The following LRRC53 variants were observed in gnomAD, a reference collection of about 807,000 sequenced individuals.
LRRC53 encodes leucine rich repeat containing 53.
In LRRC53, 25 loss-of-function variants were observed where a neutral mutation model predicts 13.6. The ratio of observed to expected loss-of-function variants is 1.83; its 90% CI spans 1.34 to 2.56. The LOEUF (loss-of-function observed/expected upper bound fraction) is 2.56. Among genes scored for constraint, LRRC53 ranks in the 30% most tolerant of loss-of-function variants. LRRC53 has a pLI of 0.00. For missense variants in LRRC53, 527 were observed against 275.8 expected (o/e 1.91, Z -6.45); for synonymous variants, 204 against 109.8 (o/e 1.86, Z -5.37).
chr1:74,474,154 C>T (rs759832540), intron 4 of LRRC53, among the ~76,000 whole-genome samples: 6 of 152,058 alleles, frequency 3.9e-5, no homozygotes, highest in Non-Finnish European at 8.8e-5. Flanking sequence ...GAGCACATCC[C>T]CTTCAGTTAT....
chr1:74,517,647 G>A, the LRRC53 span, among the ~76,000 whole-genome samples: 1 of 152,118 alleles, frequency 6.6e-6, no homozygotes, highest in Non-Finnish European at 1.5e-5. Flanking sequence ...ACCTCAATTA[G>A]GTTCTATTTC....
At chr1:74,497,732 A>T (rs1337313820) in intron 1 of LRRC53, among the ~76,000 whole-genome samples, 3 of 152,144 alleles carry the variant, frequency 2.0e-5, no homozygotes, top group Non-Finnish European at 4.4e-5. Flanking sequence ...TCATGCTCTA[A>T]CCCACCTACT....
At chr1:74,492,244 TCCTATG>T (rs1669118013) in intron 1 of LRRC53, 2 of 1,601,528 alleles carry the variant, frequency 1.2e-6, no homozygotes, top group East Asian at 4.5e-5. Context: ...AAATGCAAGG[TCCTATG>T]CTGCTTTGTC....
rs1407211730 is a variant in LRRC53, at chr1:74,469,739, T to C, written c.*139A>G. The C allele has an allele frequency of 7.6e-6, 3 of 395,500 alleles. No individual in the cohort carries two copies. The highest frequency in any genetic ancestry group is 6.1e-4 in the Middle Eastern group (1 of 1,634). 24.5% of individuals were successfully genotyped at this position (395,500 alleles called of 1,614,324 possible). The stretch of plus-strand genomic sequence containing the variant: ...TATATTCAACTCTGGTTTTATTTTA[T>C]TGATAACAAAGAGTTACTGAGGACG... On this transcript the variant is annotated 3_prime_UTR_variant, in exon 5 of 5. Transcript: ENST00000294635.
At chr1:74,508,912 AT>A (rs1670043875) in intron 1 of LRRC53, among the ~76,000 whole-genome samples, 1 of 152,166 alleles carries the variant, frequency 6.6e-6, no homozygotes, top group African/African-American at 2.4e-5. Flanking sequence ...TCTGCAGAAA[AT>A]TCATATAAAA....
chr1:74,497,224 G>C (rs1432437155), intron 1 of LRRC53, among the ~76,000 whole-genome samples: 2 of 152,098 alleles, frequency 1.3e-5, no homozygotes, highest in Non-Finnish European at 2.9e-5. Flanking sequence ...GAATGAAGAA[G>C]GGAGAGCAGC....
chr1:74,472,709 C>A (rs953206546), intron 4 of LRRC53, among the ~76,000 whole-genome samples: 6 of 152,020 alleles, frequency 3.9e-5, no homozygotes, highest in African/African-American at 1.2e-4. Flanking sequence ...GAGACCATAT[C>A]TGTTTTATTT....
At chr1:74,535,436 A>G in the LRRC53 span, among the ~76,000 whole-genome samples, 1 of 152,100 alleles carries the variant, frequency 6.6e-6, no homozygotes, top group Non-Finnish European at 1.5e-5. Flanking sequence ...CATCACTGCA[A>G]TCCAGCCTGG....
the LRRC53 span, among the ~76,000 whole-genome samples, chr1:74,518,874 C>CTTTTTTTTTT: frequency 6.9e-5 from 2 of 29,052 alleles, no homozygotes; most frequent in African/African-American, 1.7e-4. Flanking sequence ...TTTTTTTCCC[C>CTTTTTTTTTT]TTTTTTTTTT....
At chr1:74,526,359 T>C in the LRRC53 span, among the ~76,000 whole-genome samples, 2 of 152,112 alleles carry the variant, frequency 1.3e-5, no homozygotes, top group African/African-American at 4.8e-5. Flanking sequence ...ATCAATAAAA[T>C]TGGTTTTGTG....
At chr1:74,490,050 TAAAAAAAAAAAAAAA>T (rs36063099) in intron 1 of LRRC53, among the ~76,000 whole-genome samples, 1 of 42,892 alleles carries the variant, frequency 2.3e-5, no homozygotes, top group African/African-American at 7.1e-5. Context: ...TTTTTTTTTC[TAAAAAAAAAAAAAAA>T]AAAAAAAAAA....
upstream of LRRC53, among the ~76,000 whole-genome samples, chr1:74,514,649 G>T (rs2100392363): frequency 6.6e-6 from 1 of 152,264 alleles, no homozygotes; most frequent in African/African-American, 2.4e-5. Flanking sequence ...AAGGGGGGAA[G>T]CTGGGATTGA....
chr1:74,515,693 G>A (rs886782783), upstream of LRRC53, among the ~76,000 whole-genome samples: 2 of 152,174 alleles, frequency 1.3e-5, no homozygotes, highest in South Asian at 2.1e-4. Context: ...ACAGGTGAGG[G>A]ATGGAGACTG....
chr1:74,477,358 T>C (rs758191991), intron 3 of LRRC53, among the ~76,000 whole-genome samples: 10 of 152,150 alleles, frequency 6.6e-5, no homozygotes, highest in East Asian at 1.9e-4. Context: ...ACATGTTTAA[T>C]ACAGTGCTTT....
chr1:74,522,485 C>T, the LRRC53 span, among the ~76,000 whole-genome samples: 4 of 152,020 alleles, frequency 2.6e-5, no homozygotes, highest in African/African-American at 4.8e-5. Context: ...ACTTGTAGTA[C>T]GAGTTGCATG....
intron 1 of LRRC53, among the ~76,000 whole-genome samples, chr1:74,511,639 G>A (rs1261930611): frequency 6.6e-6 from 1 of 152,028 alleles, no homozygotes; most frequent in African/African-American, 2.4e-5. Context: ...ATGGATTAGA[G>A]ATCTCTTCAG....
intron 1 of LRRC53, among the ~76,000 whole-genome samples, chr1:74,499,992 G>T: frequency 6.6e-6 from 1 of 151,228 alleles, no homozygotes; most frequent in South Asian, 2.1e-4. Context: ...CCTTTCCTTT[G>T]ATTATTTGAA....
Position 74,491,746 on chromosome 1 carries a change from C to A in LRRC53, c.-26-8371G>T, listed in dbSNP as rs1669088848. Among the ~76,000 whole-genome samples the A allele has an allele frequency of 2.0e-5, 3 of 152,310 alleles. No homozygotes were observed. The South Asian group carries it at 6.2e-4, about 32-fold the overall frequency. On this transcript the variant is annotated intron_variant, in intron 1 of 4. Transcript: ENST00000294635. ...ATTTTAGCTATGATTTAAAGGAACT[C>A]TGCCATAAATCTTATTGCCATAGTG...
rs1667937305 is a variant in LRRC53 at position 74,471,649 on chromosome 1, G to T, written c.1973C>A (p.Ser658Ter). ...INRSMMSPKI[S>*]TPWKRQKNQS... ...ATTTTTCTGTCGTTTCCAAGGGGTT[G>T]ATATTTTGGGTGACATCATCGACCT... Residue 658 changes from serine (S) to a stop codon, truncating the protein, a stop_gained, in exon 5 of 5, where the codon TCA becomes TAA. Transcript: ENST00000294635. LOFTEE classifies it low-confidence loss of function (END_TRUNC). 1 of 400,712 alleles carries T rather than the reference G, an allele frequency of 2.5e-6. No individual in the cohort carries two copies. 24.8% of individuals were successfully genotyped at this position (400,712 alleles called of 1,614,324 possible).
Sources: gnomAD v4.1 joint callset for allele counts (sites outside exome capture counted in the v4.1 genomes callset) on GRCh38, gnomAD v4.1.1 for gene constraint, MANE v1.5 for transcripts, NCBI Gene and HGNC (gene_info 2026-07-23, HGNC 2026-07-21) for gene names.